The following NR1H4 variants were observed in gnomAD, a reference collection of about 807,000 sequenced individuals.
NR1H4 encodes the protein bile acid receptor.
In NR1H4, 23 loss-of-function variants were observed where a neutral mutation model predicts 58.5. That is an observed-to-expected ratio of 0.39 (90% CI 0.28 to 0.56). The LOEUF (loss-of-function observed/expected upper bound fraction) is 0.56, where lower values mean the gene tolerates loss of function less well. Ranked by LOEUF, NR1H4 falls within the 20% of genes least tolerant of loss-of-function variation. The pLI, the probability that NR1H4 is intolerant of heterozygous loss-of-function variation, is 0.58. For synonymous variants in NR1H4, 214 were observed against 198.0 expected, an observed-to-expected ratio of 1.08 and a Z score of -0.68; for missense variants, 487 against 576.9, an observed-to-expected ratio of 0.84 and a Z score of 1.60.
intron 8 of NR1H4, among the ~76,000 whole-genome samples, chr12:100,537,807 G>A (rs1226850976): frequency 1.3e-5 from 2 of 152,136 alleles, no homozygotes; most frequent in African/African-American, 2.4e-5. Flanking sequence ...TCTGCTTCCC[G>A]AGTTCAAGCA....
At position 100,563,442 on chromosome 12, in the gene NR1H4, G is replaced by A. The variant is rs767934621; in HGVS notation, c.1384G>A (p.Asp462Asn). The change falls in exon 11 of 11, where the codon GAC becomes AAC. Residue 462 changes from aspartate to asparagine, a missense_variant. Transcript: ENST00000392986. Reference protein sequence around the residue: ...AEMLMSWRVNDHKFTPLLCEI... With the variant: ...AEMLMSWRVNNHKFTPLLCEI... The stretch of plus-strand genomic sequence containing the variant: ...GATGCTGATGTCATGGAGAGTAAAC[G>A]ACCACAAGTTTACCCCACTTCTCTG... 1.1e-5 allele frequency: 18 copies of A among 1,613,972 alleles called. No individual in the cohort carries two copies. Among genetic ancestry groups the A allele is most frequent in the Non-Finnish European group, 1.3e-5 (15 of 1,180,018 alleles).
chr12:100,477,161 T>C (rs1177291948), intron 1 of NR1H4, among the ~76,000 whole-genome samples: 2 of 152,286 alleles, frequency 1.3e-5, no homozygotes, highest in East Asian at 3.9e-4. Flanking sequence ...CCATTTCCAA[T>C]TTTGGCCATA....
At chr12:100,501,220 A>C (rs1953826589) in intron 3 of NR1H4, among the ~76,000 whole-genome samples, 1 of 151,960 alleles carries the variant, frequency 6.6e-6, no homozygotes, top group Non-Finnish European at 1.5e-5. Context: ...TTGAAATGGA[A>C]AATTCTGAAT....
At chr12:100,484,837 G>T (rs1953456807) in intron 1 of NR1H4, among the ~76,000 whole-genome samples, 1 of 152,080 alleles carries the variant, frequency 6.6e-6, no homozygotes, top group East Asian at 1.9e-4. Context: ...CCACAGTTAG[G>T]TTCCCCAAAC....
At chr12:100,535,925 A>G (rs1954802690) in intron 6 of NR1H4, among the ~76,000 whole-genome samples, 1 of 152,188 alleles carries the variant, frequency 6.6e-6, no homozygotes, top group South Asian at 2.1e-4. Flanking sequence ...GGCTTTGGCC[A>G]CATGGTATCT....
At chr12:100,483,865 T>A in intron 1 of NR1H4, among the ~76,000 whole-genome samples, 1 of 150,434 alleles carries the variant, frequency 6.6e-6, no homozygotes, top group East Asian at 2.0e-4. Context: ...ATGCCTGTAA[T>A]CCCAACTACT....
At position 100,546,450 on chromosome 12, in the gene NR1H4, C is replaced by T. The variant is rs375439513; in HGVS notation, c.1078+5632C>T. Among the ~76,000 whole-genome samples the T allele has an allele frequency of 5.5e-4, 84 of 152,170 alleles. No homozygotes were observed. In the South Asian group the frequency reaches 0.017, roughly 31 times the overall value. On this transcript the variant is annotated intron_variant, in intron 9 of 10. Transcript: ENST00000392986. ...GTGGCTCATGCTTGTAATCCCAGCACTTTGGGAGGCTGAGGCAGGTGGATC... is the reference window on the plus strand; with the variant it reads ...GTGGCTCATGCTTGTAATCCCAGCATTTTGGGAGGCTGAGGCAGGTGGATC...
chr12:100,502,297 A>T (rs1334975532), intron 3 of NR1H4, among the ~76,000 whole-genome samples: 1 of 152,168 alleles, frequency 6.6e-6, no homozygotes, highest in African/African-American at 2.4e-5. Flanking sequence ...AGTAACATAG[A>T]CTGGGTAGCT....
chr12:100,508,859 C>G (rs1954036195), intron 3 of NR1H4, among the ~76,000 whole-genome samples: 1 of 152,158 alleles, frequency 6.6e-6, no homozygotes, highest in African/African-American at 2.4e-5. Flanking sequence ...GGTGACAGAA[C>G]CTGACCTGAA....
chr12:100,535,698 A>G (rs1014931440), intron 6 of NR1H4, among the ~76,000 whole-genome samples: 3 of 152,216 alleles, frequency 2.0e-5, no homozygotes, highest in Non-Finnish European at 4.4e-5. Flanking sequence ...ACAAATACGT[A>G]TTTTTGTATT....
At chr12:100,478,322 G>A (rs1190294258) in intron 1 of NR1H4, among the ~76,000 whole-genome samples, 2 of 152,118 alleles carry the variant, frequency 1.3e-5, no homozygotes, top group African/African-American at 4.8e-5. Flanking sequence ...CTAGAGAGAG[G>A]TTTATAATTT....
intron 4 of NR1H4, among the ~76,000 whole-genome samples, chr12:100,519,597 C>T (rs1016272371): frequency 3.3e-5 from 5 of 152,138 alleles, no homozygotes; most frequent in Non-Finnish European, 7.4e-5. Flanking sequence ...CCTGGCTTCC[C>T]AGAGAAACCA....
intron 9 of NR1H4, among the ~76,000 whole-genome samples, chr12:100,559,041 ATAGT>A (rs2136315660): frequency 6.6e-6 from 1 of 152,350 alleles, no homozygotes; most frequent in South Asian, 2.1e-4. Flanking sequence ...GTTATTGTGA[ATAGT>A]TAGATAGGCA....
chr12:100,501,461 C>T (rs975221108), intron 3 of NR1H4, among the ~76,000 whole-genome samples: 1 of 152,112 alleles, frequency 6.6e-6, no homozygotes, highest in African/African-American at 2.4e-5. Context: ...TTAGTTTTTC[C>T]ACCACGGGAT....
At position 100,557,563 on chromosome 12, in the gene NR1H4, G is replaced by A. The variant is rs574958265; in HGVS notation, c.1079-4322G>A. 1.1e-4 allele frequency among the ~76,000 whole-genome samples: 17 copies of A among 152,306 alleles called. No individual in the cohort carries two copies. In the South Asian group the frequency reaches 2.5e-3, roughly 22 times the overall value. The stretch of plus-strand genomic sequence containing the variant: ...ATCCCTCATCCAAATAGTGAACATT[G>A]TACCCAATAGGTAATCTTTCAACCC... On this transcript the variant is annotated intron_variant, in intron 9 of 10. Coordinates refer to ENST00000392986, the MANE Select transcript of NR1H4 (RefSeq NM_001206979.2).
At chr12:100,496,848 TA>T (rs199635049) in intron 3 of NR1H4, among the ~76,000 whole-genome samples, 1 of 152,230 alleles carries the variant, frequency 6.6e-6, no homozygotes, top group Non-Finnish European at 1.5e-5. Context: ...CTGGAGACAA[TA>T]ATGACCTTTT....
At chr12:100,474,463 C>G (rs1199907114) in intron 1 of NR1H4, among the ~76,000 whole-genome samples, 1 of 152,096 alleles carries the variant, frequency 6.6e-6, no homozygotes, top group Non-Finnish European at 1.5e-5. Context: ...TGTCAGATGA[C>G]TTGGGAACTA....
intron 1 of NR1H4, among the ~76,000 whole-genome samples, chr12:100,475,902 T>G (rs1178718805): frequency 1.3e-5 from 2 of 152,010 alleles, no homozygotes; most frequent in African/African-American, 4.8e-5. Context: ...TGCCACTATT[T>G]TTTGTATTTT....
intron 4 of NR1H4, among the ~76,000 whole-genome samples, chr12:100,526,241 C>T (rs1258027196): frequency 3.7e-5 from 5 of 136,286 alleles, no homozygotes; most frequent in South Asian, 2.3e-4. Flanking sequence ...TTTCTAGTTT[C>T]CTAAAGTGGA....
Sources: allele counts gnomAD v4.1 joint callset (sites outside exome capture counted in the v4.1 genomes callset), GRCh38; gene constraint gnomAD v4.1.1; transcripts MANE v1.5; gene names NCBI Gene and HGNC (gene_info 2026-07-23, HGNC 2026-07-21).